Variants in SLC17A8 observed in about 807,000 individuals in gnomAD.
The protein encoded by SLC17A8 is vesicular glutamate transporter 3.
In SLC17A8, 31 loss-of-function variants were observed where a neutral mutation model predicts 58.0. The observed-to-expected ratio is 0.53, with a 90% confidence interval of 0.40 to 0.72. SLC17A8 has a LOEUF of 0.72. Among genes scored for constraint, SLC17A8 ranks in the 30% least tolerant of loss-of-function variants. The pLI is 0.00. For synonymous variants in SLC17A8, 228 were observed against 249.0 expected, an observed-to-expected ratio of 0.92 and a Z score of 0.79; for missense variants, 655 against 727.8, an observed-to-expected ratio of 0.90 and a Z score of 1.15.
chr12:100,373,990 A>G (rs971965526), intron 1 of SLC17A8, among the ~76,000 whole-genome samples: 2 of 152,202 alleles, frequency 1.3e-5, no homozygotes, highest in Non-Finnish European at 2.9e-5. Flanking sequence ...AATGCCAAGG[A>G]AACACCAGGG....
At chr12:100,366,069 T>C (rs1435206600) in intron 1 of SLC17A8, among the ~76,000 whole-genome samples, 1 of 150,232 alleles carries the variant, frequency 6.7e-6, no homozygotes, top group East Asian at 1.9e-4. Flanking sequence ...TTTTTTTTTT[T>C]TTTTTTCAGG....
chr12:100,406,098 C>G lies in SLC17A8; in HGVS notation c.1186+1928C>G, dbSNP rs372719853. Among the ~76,000 whole-genome samples, 14 of 152,340 alleles carry G rather than the reference C, an allele frequency of 9.2e-5. No individual in the cohort carries two copies. In the South Asian group the frequency reaches 2.9e-3, roughly 32 times the overall value. On this transcript the variant is annotated intron_variant, in intron 9 of 11. Coordinates refer to ENST00000323346, the MANE Select transcript of SLC17A8 (RefSeq NM_139319.3). ...TCACCCAAGCCCTGAACATATCTTT[C>G]TGTCTCTGACTTTGCCCACTCCCTT...
At chr12:100,379,437 A>C (rs1048634699) in intron 1 of SLC17A8, among the ~76,000 whole-genome samples, 29 of 149,046 alleles carry the variant, frequency 1.9e-4, no homozygotes, top group Non-Finnish European at 2.8e-4. Flanking sequence ...TCCGTCCCCA[A>C]AAAAAAAAAA....
chr12:100,361,468 T>A (rs1013792236), intron 1 of SLC17A8, among the ~76,000 whole-genome samples: 1 of 152,210 alleles, frequency 6.6e-6, no homozygotes, highest in African/African-American at 2.4e-5. Flanking sequence ...AGATCCCCAC[T>A]TTCCTGGCCA....
chr12:100,400,299 G>T (rs1952782244), intron 5 of SLC17A8, among the ~76,000 whole-genome samples: 1 of 152,094 alleles, frequency 6.6e-6, no homozygotes, highest in Non-Finnish European at 1.5e-5. Flanking sequence ...TCACCTTATT[G>T]GTTTGAGGAG....
intron 1 of SLC17A8, among the ~76,000 whole-genome samples, chr12:100,372,179 C>G (rs114961668): frequency 0.014 from 2,157 of 152,194 alleles, 48 homozygotes; most frequent in African/African-American, 0.05. Flanking sequence ...GCTTAACAAA[C>G]AGAAATTTAT....
intron 2 of SLC17A8, among the ~76,000 whole-genome samples, chr12:100,381,738 G>T (rs964131925): frequency 6.6e-6 from 1 of 152,030 alleles, no homozygotes; most frequent in African/African-American, 2.4e-5. Context: ...GATGACAAAA[G>T]AAGCCAATTA....
intron 10 of SLC17A8, among the ~76,000 whole-genome samples, chr12:100,413,127 A>G (rs1023126101): frequency 1.3e-5 from 2 of 152,148 alleles, no homozygotes; most frequent in Non-Finnish European, 2.9e-5. Flanking sequence ...CAAAGTGCAG[A>G]TGACCCTTCT....
intron 4 of SLC17A8, among the ~76,000 whole-genome samples, 173 bp downstream of exon 4, chr12:100,393,656 T>C (rs886670992): frequency 5.3e-5 from 8 of 152,200 alleles, no homozygotes; most frequent in African/African-American, 1.9e-4. Context: ...TTAATTAAAA[T>C]GCCTTGTGTG....
At chr12:100,381,568 CAGAGAG>C (rs112159680) in intron 2 of SLC17A8, among the ~76,000 whole-genome samples, 6 of 149,020 alleles carry the variant, frequency 4.0e-5, no homozygotes, top group Non-Finnish European at 7.4e-5. Context: ...AAGAAAGAGA[CAGAGAG>C]AGAGAGAGAG....
At chr12:100,398,725 C>T (rs767454651) in intron 5 of SLC17A8, among the ~76,000 whole-genome samples, 6 of 152,136 alleles carry the variant, frequency 3.9e-5, no homozygotes, top group East Asian at 3.9e-4. Context: ...TTGGCTCTGT[C>T]GCCACCCAAA....
Position 100,357,382 on chromosome 12 carries a change from C to G in SLC17A8, c.-10C>G. On this transcript the variant is annotated 5_prime_UTR_variant, in exon 1 of 12. Transcript: ENST00000323346. ...GACTGTTAACGGCTCAGAGGTGCCCCTCATTCAAAATGCCTTTTAAAGCAT... is the reference window on the plus strand; with the variant it reads ...GACTGTTAACGGCTCAGAGGTGCCCGTCATTCAAAATGCCTTTTAAAGCAT... 1.3e-6 allele frequency: 2 copies of G among 1,497,344 alleles called. No individual in the cohort carries two copies. The highest frequency in any genetic ancestry group is 1.4e-5 in the African/African-American group (1 of 72,538). The allele number at this position is 1,497,344 out of a possible 1,614,324, so 92.8% of individuals were successfully genotyped here.
chr12:100,371,540 T>TTTTG (rs1177222849), intron 1 of SLC17A8, among the ~76,000 whole-genome samples: 3 of 152,146 alleles, frequency 2.0e-5, no homozygotes, highest in Admixed American at 2.0e-4. Flanking sequence ...GGCAAGTTTT[T>TTTTG]TTTGTTTGTT....
intron 5 of SLC17A8, among the ~76,000 whole-genome samples, chr12:100,399,613 A>G (rs185603705): frequency 5.9e-4 from 90 of 152,016 alleles, no homozygotes; most frequent in Non-Finnish European, 1.1e-3. Flanking sequence ...GTGAAGGGGA[A>G]GGTGCCACAC....
intron 1 of SLC17A8, among the ~76,000 whole-genome samples, chr12:100,368,129 C>G (rs866882582): frequency 1.2e-4 from 19 of 152,150 alleles, no homozygotes; most frequent in Non-Finnish European, 2.5e-4. Flanking sequence ...AACTAGGTAG[C>G]TTAAAACAAC....
chr12:100,408,034 A>C (rs1447960866), intron 9 of SLC17A8, among the ~76,000 whole-genome samples: 1 of 152,188 alleles, frequency 6.6e-6, no homozygotes, highest in African/African-American at 2.4e-5. Context: ...AACTACATGA[A>C]AACAAAGTTT....
intron 7 of SLC17A8, 55 bp from the exon 8 acceptor site, chr12:100,402,541 A>G: frequency 6.2e-7 from 1 of 1,612,956 alleles, no homozygotes; most frequent in Admixed American, 1.7e-5. Context: ...TTGCCTTCTT[A>G]CAGAAAAAAT....
intron 8 of SLC17A8, among the ~76,000 whole-genome samples, chr12:100,403,012 A>G (rs1021167385): frequency 5.9e-5 from 9 of 152,200 alleles, no homozygotes; most frequent in Non-Finnish European, 1.3e-4. Flanking sequence ...AAGCTAGCTC[A>G]AGGACGGCAT....
rs77143772 is a variant in SLC17A8 at position 100,376,869 on chromosome 12, G to T, written c.102-3832G>T. Among the ~76,000 whole-genome samples, 103 of 152,220 alleles carry T rather than the reference G, an allele frequency of 6.8e-4. 1 individual carries two copies. In the East Asian group the frequency reaches 0.017, roughly 25 times the overall value. ...CTGTTACCCAGGCTGGAGTGCAGCA[G>T]TGCAATCTCAGCTCACTGTAACCTC... On this transcript the variant is annotated intron_variant, in intron 1 of 11. Transcript: ENST00000323346.
Sources: gnomAD v4.1 joint callset for allele counts (sites outside exome capture counted in the v4.1 genomes callset) on GRCh38, gnomAD v4.1.1 for gene constraint, MANE v1.5 for transcripts, NCBI Gene and HGNC (gene_info 2026-07-23, HGNC 2026-07-21) for gene names.